FAM120A: variants seen among roughly 807,000 people sequenced by gnomAD.
The protein encoded by FAM120A is constitutive coactivator of PPAR-gamma-like protein 1.
Under a neutral mutation model 109.7 loss-of-function variants are expected in FAM120A, and 15 were observed. The observed-to-expected ratio is 0.14, with a 90% CI of 0.09 to 0.21. The LOEUF is 0.21. FAM120A is among the 10% of genes least tolerant of loss of function. The probability of loss-of-function intolerance (pLI) is 1.00; values close to 1 mark genes in which losing one functional copy is unlikely to be tolerated. For missense variants in FAM120A, 899 were observed against 1,439.3 expected, an observed-to-expected ratio of 0.62 and a Z score of 6.07; for synonymous variants, 493 against 572.8, an observed-to-expected ratio of 0.86 and a Z score of 1.99.
chr9:93,502,749 T>A (rs910810106), intron 5 of FAM120A, among the ~76,000 whole-genome samples: 28 of 152,160 alleles, frequency 1.8e-4, no homozygotes, highest in Admixed American at 2.6e-4. Flanking sequence ...TGTGATTTGT[T>A]CTTTCTGTCT....
chr9:93,486,600 C>A (rs1859068630), intron 3 of FAM120A, among the ~76,000 whole-genome samples: 1 of 147,898 alleles, frequency 6.8e-6, no homozygotes, highest in Non-Finnish European at 1.5e-5. Context: ...GTGGCATGAT[C>A]TTGGCTCTCT....
intron 7 of FAM120A, among the ~76,000 whole-genome samples, chr9:93,518,491 G>C (rs118135366): frequency 0.012 from 1,874 of 152,282 alleles, 17 homozygotes; most frequent in Non-Finnish European, 0.02. Flanking sequence ...TGCCTTTTCA[G>C]GATGGCCCTA....
Position 93,564,968 on chromosome 9 carries a change from ATGAAGCTTTCTT to A in FAM120A, c.*430_*441del, listed in dbSNP as rs1294085307. 2.0e-5 allele frequency: 3 copies of A among 153,678 alleles called. No homozygotes were observed. Among genetic ancestry groups the A allele is most frequent in the Non-Finnish European group, 2.9e-5 (2 of 68,808 alleles). 9.5% of individuals were successfully genotyped at this position (153,678 alleles called of 1,614,324 possible). ...TTTGATTTTGCATTACTGTTTCACA[ATGAAGCTTTCTT>A]TAAGGCTTTGATTTTTATGATTATG... is the stretch of plus-strand genomic sequence containing the variant. On this transcript the variant is annotated 3_prime_UTR_variant, in exon 18 of 18. Coordinates refer to ENST00000277165, the MANE Select transcript of FAM120A (RefSeq NM_014612.5).
intron 1 of FAM120A, among the ~76,000 whole-genome samples, chr9:93,463,594 A>G (rs1025629183): frequency 6.6e-6 from 1 of 152,174 alleles, no homozygotes; most frequent in Non-Finnish European, 1.5e-5. Context: ...TTCCCATTTC[A>G]TACCTATTGA....
chr9:93,538,105 T>C (rs1588894438), intron 10 of FAM120A, among the ~76,000 whole-genome samples: 1 of 152,124 alleles, frequency 6.6e-6, no homozygotes, highest in Non-Finnish European at 1.5e-5. Context: ...ATATTAGGAA[T>C]AACATACATG....
In FAM120A at chr9:93,452,383, C is replaced by A. The variant is rs747899074; in HGVS notation, c.468C>A (p.His156Gln). ...TCCGCCTGGCGCTCATCCGCTTCCACGTCAAGGTGAGGCCGGGGATCCGGG... is the reference window on the plus strand; with the variant it reads ...TCCGCCTGGCGCTCATCCGCTTCCAAGTCAAGGTGAGGCCGGGGATCCGGG... ...HCIRLALIRF[H>Q]VKVAQSIEDH... is the part of the protein sequence containing the mutation. The change falls in exon 1 of 18, where the codon CAC becomes CAA. Residue 156 changes from histidine to glutamine, a missense_variant. By Grantham distance (24) the His-to-Gln change is conservative. Transcript: ENST00000277165. This position sits in a 1 kb window ranked among gnomAD's most constrained non-coding sequence, Gnocchi z 7.0. 2.5e-6 allele frequency: 4 copies of A among 1,607,934 alleles called. No homozygotes were observed. Among genetic ancestry groups the A allele is most frequent in the Non-Finnish European group, 3.4e-6 (4 of 1,177,852 alleles).
chr9:93,463,043 G>T (rs1314317659), intron 1 of FAM120A, among the ~76,000 whole-genome samples: 1 of 152,122 alleles, frequency 6.6e-6, no homozygotes, highest in Non-Finnish European at 1.5e-5. Flanking sequence ...AAGTGTAATT[G>T]CTGTATCTTA....
intron 17 of FAM120A, among the ~76,000 whole-genome samples, chr9:93,563,741 T>G (rs1862547377): frequency 6.6e-6 from 1 of 152,230 alleles, no homozygotes; most frequent in Non-Finnish European, 1.5e-5. Flanking sequence ...TCAGAAGAGT[T>G]ATTTCACAAA....
intron 2 of FAM120A, among the ~76,000 whole-genome samples, chr9:93,474,912 G>A (rs971555910): frequency 4.6e-5 from 7 of 152,130 alleles, no homozygotes; most frequent in Admixed American, 2.0e-4. Flanking sequence ...ATTCTTCACC[G>A]TGAAATTCTA....
intron 7 of FAM120A, among the ~76,000 whole-genome samples, chr9:93,523,723 G>A (rs1457239715): frequency 6.6e-6 from 1 of 152,202 alleles, no homozygotes; most frequent in Admixed American, 6.5e-5. Flanking sequence ...TGATGACAGC[G>A]AGAAGTGCCA....
intron 7 of FAM120A, among the ~76,000 whole-genome samples, chr9:93,516,538 A>G (rs1860595737): frequency 6.6e-6 from 1 of 152,156 alleles, no homozygotes; most frequent in African/African-American, 2.4e-5. Context: ...GGAATTTGAC[A>G]AGAACTGGTT....
chr9:93,471,045 T>C lies in FAM120A; in HGVS notation c.475-96T>C, dbSNP rs1858288732. On this transcript the variant is annotated intron_variant, in intron 1 of 17. Coordinates refer to ENST00000277165, the MANE Select transcript of FAM120A (RefSeq NM_014612.5). ...GGCTTTCACGGATAGTTTTCATAAA[T>C]GTGATTTTTCAGCTTCTGTGCAAAC... The C allele has an allele frequency of 3.5e-6, 5 of 1,433,554 alleles. No individual in the cohort carries two copies. In the South Asian group the frequency reaches 6.6e-5, roughly 19 times the overall value. The allele number at this position is 1,433,554 out of a possible 1,614,324, so 88.8% of individuals were successfully genotyped here.
chr9:93,519,980 A>G (rs1860775506), intron 7 of FAM120A, among the ~76,000 whole-genome samples: 1 of 151,950 alleles, frequency 6.6e-6, no homozygotes, highest in South Asian at 2.1e-4. Context: ...GGCTCAGGTG[A>G]TCCTCACACC....
chr9:93,509,260 C>T (rs1860206412), intron 5 of FAM120A, among the ~76,000 whole-genome samples: 1 of 152,262 alleles, frequency 6.6e-6, no homozygotes, highest in Non-Finnish European at 1.5e-5. Context: ...CCCAGTGGCC[C>T]TCCTGTCCTG....
intron 1 of FAM120A, among the ~76,000 whole-genome samples, chr9:93,466,035 A>G (rs1306638065): frequency 6.6e-6 from 1 of 151,906 alleles, no homozygotes; most frequent in Non-Finnish European, 1.5e-5. Context: ...CGTGGCATTG[A>G]CTCGGCTTAG....
chr9:93,497,332 A>C, intron 3 of FAM120A, 139 bp from the exon 4 acceptor site: 1 of 1,125,518 alleles, frequency 8.9e-7, no homozygotes, highest in Non-Finnish European at 1.3e-6. Flanking sequence ...TAGGGCCAAG[A>C]TCTTACAAGT....
intron 11 of FAM120A, among the ~76,000 whole-genome samples, chr9:93,546,384 C>T (rs10761235): frequency 0.27 from 41,139 of 152,070 alleles, 6,849 homozygotes; most frequent in East Asian, 0.42. Flanking sequence ...GCGGCCATGG[C>T]AGAGGATGAG....
intron 5 of FAM120A, among the ~76,000 whole-genome samples, chr9:93,512,611 CTACTCTGGAGCCCCG>C (rs1255437243): frequency 6.6e-6 from 1 of 151,844 alleles, no homozygotes; most frequent in East Asian, 1.9e-4. Context: ...GGTGTGACCT[CTACTCTGGAGCCCCG>C]TGTCCCTTCT....
Position 93,518,443 on chromosome 9 carries a change from T to G in FAM120A, c.1418+2174T>G, listed in dbSNP as rs144692671. ...AAAAAAAGTCACTACTTTTTTACCC[T>G]TTGGTTTAGAATTGAATGAGGACCC... On this transcript the variant is annotated intron_variant, in intron 7 of 17. Coordinates refer to ENST00000277165, the MANE Select transcript of FAM120A (RefSeq NM_014612.5). Among the ~76,000 whole-genome samples, 416 of 152,312 alleles carry G rather than the reference T, an allele frequency of 2.7e-3. 1 individual carries two copies. The highest frequency in any genetic ancestry group is 9.5e-3 in the African/African-American group (394 of 41,566).
Sources: gnomAD v4.1 joint callset for allele counts (sites outside exome capture counted in the v4.1 genomes callset) on GRCh38, gnomAD v4.1.1 for gene constraint, Gnocchi (gnomAD v3.1) non-coding constraint, MANE v1.5 for transcripts, NCBI Gene and HGNC (gene_info 2026-07-23, HGNC 2026-07-21) for gene names.